GALNT7: variants seen among roughly 807,000 people sequenced by gnomAD.
GALNT7 encodes the protein polypeptide N-acetylgalactosaminyltransferase 7.
Under a neutral mutation model 82.1 loss-of-function variants are expected in GALNT7, and 60 were observed. The ratio of observed to expected loss-of-function variants is 0.73; its 90% CI spans 0.59 to 0.91. The LOEUF is 0.91. Among genes scored for constraint, GALNT7 ranks in the 40% least tolerant of loss-of-function variants. The pLI is 0.00. For missense variants in GALNT7, 660 were observed against 804.2 expected (o/e 0.82, Z 2.17); for synonymous variants, 243 against 275.1 (o/e 0.88, Z 1.15).
chr4:173,199,144 T>C (rs150772227), intron 1 of GALNT7, among the ~76,000 whole-genome samples: 1 of 152,178 alleles, frequency 6.6e-6, no homozygotes, highest in Admixed American at 6.5e-5. Flanking sequence ...CATTATGTGC[T>C]AGATACTATG....
intron 1 of GALNT7, among the ~76,000 whole-genome samples, chr4:173,178,042 T>TGC (rs1238471074): frequency 3.4e-4 from 40 of 117,658 alleles, no homozygotes; most frequent in South Asian, 1.2e-3. Context: ...TGTGTGTGTG[T>TGC]GTGTGTGTGT....
Position 173,321,957 on chromosome 4 carries a change from T to C in GALNT7, c.*240T>C, listed in dbSNP as rs1737835512. The C allele has an allele frequency of 5.9e-6, 2 of 340,142 alleles. No individual in the cohort carries two copies. 21.1% of individuals were successfully genotyped at this position (340,142 alleles called of 1,614,324 possible). On this transcript the variant is annotated 3_prime_UTR_variant, in exon 12 of 12. Coordinates refer to ENST00000265000, the MANE Select transcript of GALNT7 (RefSeq NM_017423.3). ...TGTAGATGTTTACATCTTTTTGTTG[T>C]GTTTTAAGATGATGTTGGTAATTTG...
intron 1 of GALNT7, among the ~76,000 whole-genome samples, chr4:173,197,882 ATTAC>A (rs1467731559): frequency 6.6e-6 from 1 of 152,130 alleles, no homozygotes; most frequent in Non-Finnish European, 1.5e-5. Context: ...AGCTGGCTGA[ATTAC>A]TTCACACATC....
At chr4:173,273,471 C>T (rs528053678) in intron 2 of GALNT7, among the ~76,000 whole-genome samples, 20 of 152,194 alleles carry the variant, frequency 1.3e-4, no homozygotes, top group Admixed American at 5.2e-4. Flanking sequence ...AAATCCCATC[C>T]GATCTTCACG....
At chr4:173,286,300 T>A (rs1736320263) in intron 2 of GALNT7, among the ~76,000 whole-genome samples, 1 of 152,244 alleles carries the variant, frequency 6.6e-6, no homozygotes, top group East Asian at 1.9e-4. Flanking sequence ...CAGGTTTTCC[T>A]CTGGACCACA....
chr4:173,291,498 ACT>A (rs1476051109), intron 2 of GALNT7, among the ~76,000 whole-genome samples: 1 of 152,176 alleles, frequency 6.6e-6, no homozygotes, highest in Non-Finnish European at 1.5e-5. Context: ...GCTTCTGGAA[ACT>A]GTACTCCTGC....
At chr4:173,301,734 C>G (rs1736944947) in intron 6 of GALNT7, among the ~76,000 whole-genome samples, 1 of 152,154 alleles carries the variant, frequency 6.6e-6, no homozygotes, top group South Asian at 2.1e-4. Context: ...AGAGAAAATT[C>G]TATTTTAACT....
chr4:173,191,657 G>T lies in GALNT7; in HGVS notation c.126+22696G>T, dbSNP rs1453603341. 2.6e-5 allele frequency among the ~76,000 whole-genome samples: 4 copies of T among 152,198 alleles called. No individual in the cohort carries two copies. In the East Asian group the frequency reaches 7.7e-4, roughly 29 times the overall value. The stretch of plus-strand genomic sequence containing the variant: ...ATGGTATGTACAAGATTGAGTAGAA[G>T]AGTGGTCTGCTCAGTCTTGAGGAGT... On this transcript the variant is annotated intron_variant, in intron 1 of 11. Transcript: ENST00000265000.
At chr4:173,299,135 C>T (rs1319510751) in intron 6 of GALNT7, among the ~76,000 whole-genome samples, 1 of 152,118 alleles carries the variant, frequency 6.6e-6, no homozygotes, top group Non-Finnish European at 1.5e-5. Flanking sequence ...TGTTACACTG[C>T]TGGTGATGTT....
At chr4:173,226,898 C>A (rs1022226957) in intron 1 of GALNT7, among the ~76,000 whole-genome samples, 1 of 152,120 alleles carries the variant, frequency 6.6e-6, no homozygotes, top group Non-Finnish European at 1.5e-5. Flanking sequence ...CCTCGAAATA[C>A]TTTAAATATG....
chr4:173,315,087 G>A (rs975997236), intron 9 of GALNT7, among the ~76,000 whole-genome samples: 5 of 152,216 alleles, frequency 3.3e-5, no homozygotes, highest in African/African-American at 1.2e-4. Context: ...TAAGGGCAGG[G>A]TAAGGAAAGC....
rs115562808 is a variant in GALNT7 at position 173,269,482 on chromosome 4, G to T, written c.587+21042G>T. 7.1e-3 allele frequency among the ~76,000 whole-genome samples: 1,087 copies of T among 152,256 alleles called. 2 individuals carry two copies. Among genetic ancestry groups the T allele is most frequent in the Non-Finnish European group, 0.013 (869 of 68,010 alleles). On this transcript the variant is annotated intron_variant, in intron 2 of 11. Transcript: ENST00000265000. The stretch of plus-strand genomic sequence containing the variant: ...TGACATGAGCTATGGAACACAGGAG[G>T]TCTTTTGCACTGATTGGAATATTTA...
chr4:173,182,738 TACACACAC>T (rs35300617), intron 1 of GALNT7, among the ~76,000 whole-genome samples: 54 of 115,790 alleles, frequency 4.7e-4, no homozygotes, highest in African/African-American at 1.9e-3. Flanking sequence ...TTACTCTTAA[TACACACAC>T]ACACACACAC....
At chr4:173,194,154 A>G (rs1732705199) in intron 1 of GALNT7, among the ~76,000 whole-genome samples, 1 of 152,216 alleles carries the variant, frequency 6.6e-6, no homozygotes, top group Non-Finnish European at 1.5e-5. Context: ...TGCTTAGGGT[A>G]CAGAGAGTTA....
chr4:173,231,825 T>C (rs1024550239), intron 1 of GALNT7, among the ~76,000 whole-genome samples: 4 of 152,124 alleles, frequency 2.6e-5, no homozygotes, highest in African/African-American at 9.7e-5. Context: ...TGGCACAGAA[T>C]TTAGGAGAAA....
intron 1 of GALNT7, among the ~76,000 whole-genome samples, chr4:173,178,580 C>T (rs1732148543): frequency 6.6e-6 from 1 of 152,142 alleles, no homozygotes; most frequent in East Asian, 1.9e-4. Context: ...TCTGGGCTTC[C>T]CAGCCTTGGA....
At chr4:173,171,981 G>A (rs2126614281) in intron 1 of GALNT7, among the ~76,000 whole-genome samples, 1 of 152,328 alleles carries the variant, frequency 6.6e-6, no homozygotes, top group African/African-American at 2.4e-5. Flanking sequence ...ATCCACACAG[G>A]TCTGAAGCAA....
chr4:173,299,413 TTCCATAG>T (rs1736837424), intron 6 of GALNT7, among the ~76,000 whole-genome samples: 1 of 152,208 alleles, frequency 6.6e-6, no homozygotes. Flanking sequence ...TTTCTGTTAA[TTCCATAG>T]GCCAGTAAAG....
At position 173,302,271 on chromosome 4, in the gene GALNT7, T is replaced by C. The variant is rs1736971334; in HGVS notation, c.1266+107T>C. The C allele has an allele frequency of 2.7e-6, 2 of 731,358 alleles. No individual in the cohort carries two copies. The highest frequency in any genetic ancestry group is 3.0e-5 in the South Asian group (2 of 65,672). 45.3% of individuals were successfully genotyped at this position (731,358 alleles called of 1,614,324 possible). ...GGGAAAAAAGCCCACAATTATATCA[T>C]GCATTTCTCCAAATTGTATAGAATG... On this transcript the variant is annotated intron_variant, in intron 7 of 11. Transcript: ENST00000265000. The surrounding 1 kb of genome is among the most constrained non-coding windows in gnomAD (Gnocchi z 4.2).
Sources: allele counts gnomAD v4.1 joint callset (sites outside exome capture counted in the v4.1 genomes callset), GRCh38; gene constraint gnomAD v4.1.1; non-coding constraint Gnocchi (gnomAD v3.1); transcripts MANE v1.5; gene names NCBI Gene and HGNC (gene_info 2026-07-23, HGNC 2026-07-21).